DDX19B: variants seen among roughly 807,000 people sequenced by gnomAD.
The protein encoded by DDX19B is ATP-dependent RNA helicase DDX19B.
In DDX19B, 27 loss-of-function variants were observed where a neutral mutation model predicts 58.1. The observed-to-expected ratio is 0.46, with a 90% confidence interval of 0.34 to 0.64. The LOEUF (loss-of-function observed/expected upper bound fraction) is 0.64. DDX19B is among the 30% of genes least tolerant of loss of function. The pLI is 0.01. For missense variants in DDX19B, 399 were observed against 596.5 expected, an observed-to-expected ratio of 0.67 and a Z score of 3.45; for synonymous variants, 187 against 214.4, an observed-to-expected ratio of 0.87 and a Z score of 1.12.
Position 70,299,461 on chromosome 16 carries a change from G to A in DDX19B, c.57+107G>A, listed in dbSNP as rs377437705. The A allele has an allele frequency of 2.0e-4, 258 of 1,323,036 alleles. No individual in the cohort carries two copies. The African/African-American group carries it at 2.2e-3, about 11-fold the overall frequency. The allele number at this position is 1,323,036 out of a possible 1,614,324, so 82.0% of individuals were successfully genotyped here. On this transcript the variant is annotated intron_variant, in intron 1 of 11. Transcript: ENST00000288071. Reference sequence around the variant, plus strand: ...TTGATTAGAGGCTGGATGGGGTGGCGGGGAGGATAGGGATGGAGCCTGGAC... The same window carrying A: ...TTGATTAGAGGCTGGATGGGGTGGCAGGGAGGATAGGGATGGAGCCTGGAC...
chr16:70,311,653 C>A (rs867846487), intron 1 of DDX19B, among the ~76,000 whole-genome samples: 4 of 152,146 alleles, frequency 2.6e-5, no homozygotes, highest in Non-Finnish European at 5.9e-5. Flanking sequence ...TCTATTTCCA[C>A]TTCAGCCCAG....
Position 70,325,633 on chromosome 16 carries a change from A to G in DDX19B, c.552A>G (p.Gln184=). The G allele has an allele frequency of 3.1e-6, 5 of 1,614,184 alleles. No individual in the cohort carries two copies. Among genetic ancestry groups the G allele is most frequent in the Non-Finnish European group, 4.2e-6 (5 of 1,180,028 alleles). Residue 184 remains glutamine, a synonymous_variant, in exon 7 of 12, where the codon CAA becomes CAG. Coordinates refer to ENST00000288071, the MANE Select transcript of DDX19B (RefSeq NM_007242.7). ...LALQTGKVIE[Q]MGKFYPELKL... The stretch of plus-strand genomic sequence containing the variant: ...TCCAAACAGGAAAAGTGATTGAACA[A>G]ATGGGCAAATTTTACCCTGAACTGA...
At position 70,333,750 on chromosome 16, in the gene DDX19B, GA is replaced by G; in HGVS notation, c.*169del. 1.0e-6 allele frequency: 1 copy of G among 979,546 alleles called. No homozygotes were observed. The highest frequency in any genetic ancestry group is 1.5e-6 in the Non-Finnish European group (1 of 645,722). The allele number at this position is 979,546 out of a possible 1,614,324, so 60.7% of individuals were successfully genotyped here. A position where few individuals can be genotyped will look rare whatever the true frequency, so the allele number is the denominator to read the frequency against. ...GGACTTGACAAAAATGTATGCAAAT[GA>G]TGGGGGATGGTAGAAAAAAATTATT... is the stretch of plus-strand genomic sequence containing the variant. On this transcript the variant is annotated 3_prime_UTR_variant, in exon 12 of 12. Transcript: ENST00000288071.
intron 1 of DDX19B, among the ~76,000 whole-genome samples, chr16:70,303,230 C>A (rs988281762): frequency 5.3e-5 from 8 of 152,078 alleles, no homozygotes; most frequent in African/African-American, 1.9e-4. Context: ...CTCACTGAAA[C>A]CTCCACCTCC....
rs542773965 is a variant in DDX19B at position 70,321,152 on chromosome 16, G to A, written c.390-3433G>A. On this transcript the variant is annotated intron_variant, in intron 5 of 11. Transcript: ENST00000288071. ...TAATTTTGTATTTTTAGTAGAGATG[G>A]GGTTTCTCCATGTTAATCAGGCTGG... 7.5e-4 allele frequency among the ~76,000 whole-genome samples: 114 copies of A among 151,840 alleles called. 3 individuals carry two copies. In the South Asian group the frequency reaches 0.023, roughly 30 times the overall value.
intron 5 of DDX19B, among the ~76,000 whole-genome samples, chr16:70,322,053 T>A (rs976854526): frequency 1.1e-4 from 14 of 123,132 alleles, no homozygotes; most frequent in Middle Eastern, 6.8e-3. Flanking sequence ...AAAAAATTAA[T>A]AATAAATTTT....
At chr16:70,317,276 G>A (rs545301024) in intron 4 of DDX19B, 15 of 289,822 alleles carry the variant, frequency 5.2e-5, no homozygotes, top group Non-Finnish European at 9.0e-5. Context: ...AGCTATTCGC[G>A]AGGCTGAGGC....
chr16:70,332,578 G>A (rs150849828), intron 10 of DDX19B, among the ~76,000 whole-genome samples: 141 of 152,158 alleles, frequency 9.3e-4, no homozygotes, highest in African/African-American at 3.0e-3. Context: ...TGGGATTACC[G>A]GTATGAGCCA....
chr16:70,317,774 C>CAA (rs376880284), intron 5 of DDX19B, 186 bp downstream of exon 5: 706 of 290,190 alleles, frequency 2.4e-3, no homozygotes, highest in South Asian at 3.8e-3. Flanking sequence ...CCTGTCTCAA[C>CAA]AAAAAAAAAA....
intron 1 of DDX19B, among the ~76,000 whole-genome samples, chr16:70,303,606 G>A (rs576275953): frequency 6.6e-6 from 1 of 152,184 alleles, no homozygotes; most frequent in South Asian, 2.1e-4. Context: ...GCCTGGGCTG[G>A]AGTGCAGTGG....
At chr16:70,289,939 G>GTGC, upstream of DDX19B, 1 of 343,416 alleles carries the variant, frequency 2.9e-6, no homozygotes, top group Non-Finnish European at 5.8e-6. Context: ...GTCTGACATT[G>GTGC]TGCCCATGGT....
At chr16:70,332,092 G>T (rs1162422069) in intron 10 of DDX19B, among the ~76,000 whole-genome samples, 1 of 152,186 alleles carries the variant, frequency 6.6e-6, no homozygotes, top group Non-Finnish European at 1.5e-5. Flanking sequence ...TTGGTGGAAG[G>T]AAATGTACAG....
upstream of DDX19B, among the ~76,000 whole-genome samples, chr16:70,298,461 G>A (rs1961315041): frequency 6.6e-6 from 1 of 151,678 alleles, no homozygotes; most frequent in South Asian, 2.1e-4. Flanking sequence ...ACCACACCTA[G>A]CTCTATTTAA....
At chr16:70,308,602 G>A (rs1215482061) in intron 1 of DDX19B, among the ~76,000 whole-genome samples, 1 of 151,538 alleles carries the variant, frequency 6.6e-6, no homozygotes, top group Non-Finnish European at 1.5e-5. Context: ...AACTCCATGA[G>A]TTCCAAGGAT....
chr16:70,291,432 T>C (rs538971206), upstream of DDX19B, among the ~76,000 whole-genome samples: 1 of 152,290 alleles, frequency 6.6e-6, no homozygotes. Flanking sequence ...ATAATACAGG[T>C]TGTAATCTCA....
At chr16:70,290,266 G>A (rs1279924946), upstream of DDX19B, among the ~76,000 whole-genome samples, 1 of 152,076 alleles carries the variant, frequency 6.6e-6, no homozygotes, top group East Asian at 1.9e-4. Flanking sequence ...GGCCGGGCGC[G>A]GTGGCCCACA....
intron 7 of DDX19B, 73 bp downstream of exon 7, chr16:70,325,761 A>G (rs139391794): frequency 9.2e-7 from 1 of 1,083,736 alleles, no homozygotes; most frequent in Non-Finnish European, 1.4e-6. Context: ...AACCCACCCA[A>G]TAGTTGAAAT....
chr16:70,309,817 CAA>C (rs61033553), intron 1 of DDX19B, among the ~76,000 whole-genome samples: 20 of 42,630 alleles, frequency 4.7e-4, no homozygotes, highest in East Asian at 4.4e-3. Flanking sequence ...GACTCCGTCT[CAA>C]AAAAAAAAAA....
upstream of DDX19B, chr16:70,299,083 GGGGTAC>G: frequency 8.0e-7 from 1 of 1,243,198 alleles, no homozygotes; most frequent in Non-Finnish European, 1.0e-6. Flanking sequence ...CCGGGGTTGA[GGGGTAC>G]GGGTCTGAGG....
Sources: allele counts gnomAD v4.1 joint callset (sites outside exome capture counted in the v4.1 genomes callset), GRCh38; gene constraint gnomAD v4.1.1; transcripts MANE v1.5; gene names NCBI Gene and HGNC (gene_info 2026-07-23, HGNC 2026-07-21).